SLC9A8: variants seen among roughly 807,000 people sequenced by gnomAD.
SLC9A8 encodes sodium/hydrogen exchanger 8.
SLC9A8 carries 48 observed loss-of-function variants against 66.6 expected under a neutral mutation model. The observed-to-expected ratio is 0.72, with a 90% confidence interval of 0.57 to 0.92. The LOEUF is 0.92. SLC9A8 is among the 40% of genes least tolerant of loss of function. SLC9A8 has a pLI of 0.00. For synonymous variants in SLC9A8, 274 were observed against 282.6 expected, an observed-to-expected ratio of 0.97 and a Z score of 0.31; for missense variants, 599 against 747.3, an observed-to-expected ratio of 0.80 and a Z score of 2.31.
chr20:49,879,496 A>C (rs2089548118), intron 12 of SLC9A8, among the ~76,000 whole-genome samples: 1 of 152,234 alleles, frequency 6.6e-6, no homozygotes, highest in South Asian at 2.1e-4. Context: ...AATGATTAGC[A>C]TGTTGTCTGG....
chr20:49,881,467 T>C (rs895747388), intron 13 of SLC9A8, among the ~76,000 whole-genome samples: 1 of 152,236 alleles, frequency 6.6e-6, no homozygotes, highest in African/African-American at 2.4e-5. Flanking sequence ...AAAGTTCTAG[T>C]AGTTTAATTT....
chr20:49,890,524 T>A lies in SLC9A8; in HGVS notation c.*2588T>A, dbSNP rs1028998494. 5.3e-5 allele frequency: 8 copies of A among 152,240 alleles called. No homozygotes were observed. The highest frequency in any genetic ancestry group is 1.4e-4 in the African/African-American group (6 of 41,452). 9.4% of individuals were successfully genotyped at this position (152,240 alleles called of 1,614,324 possible). A position where few individuals can be genotyped will look rare whatever the true frequency, so the allele number is the denominator to read the frequency against. On this transcript the variant is annotated 3_prime_UTR_variant, in exon 16 of 16. Coordinates refer to ENST00000361573, the MANE Select transcript of SLC9A8 (RefSeq NM_015266.3). The stretch of plus-strand genomic sequence containing the variant: ...GGAGCGCTGGAGGAAACCAGCCCTT[T>A]AGCCAGCAGCCCCTCCACCACAGGC...
At chr20:49,827,527 T>C (rs573831015) in intron 3 of SLC9A8, among the ~76,000 whole-genome samples, 1 of 151,062 alleles carries the variant, frequency 6.6e-6, no homozygotes, top group South Asian at 2.1e-4. Context: ...TCACTTGAAC[T>C]TGGGAGGCAG....
chr20:49,815,235 G>T (rs563514522), intron 2 of SLC9A8, 46 bp downstream of exon 2: 125 of 1,442,904 alleles, frequency 8.7e-5, no homozygotes, highest in Middle Eastern at 4.5e-4. Context: ...TCCCGTGTCT[G>T]TGTGCTCGGT....
At chr20:49,872,208 G>A (rs1448328012) in intron 10 of SLC9A8, among the ~76,000 whole-genome samples, 1 of 152,074 alleles carries the variant, frequency 6.6e-6, no homozygotes, top group Non-Finnish European at 1.5e-5. Flanking sequence ...ATTTTCCTTC[G>A]CCCACCATGT....
chr20:49,853,320 G>A (rs1358451092), intron 7 of SLC9A8, among the ~76,000 whole-genome samples: 1 of 152,038 alleles, frequency 6.6e-6, no homozygotes, highest in Non-Finnish European at 1.5e-5. Context: ...ATTTTTGTGT[G>A]TGTAGAGATA....
In SLC9A8 at chr20:49,888,488, G is replaced by C. The variant is rs902786071; in HGVS notation, c.*552G>C. 1 of 159,630 alleles carries C rather than the reference G, an allele frequency of 6.3e-6. No individual in the cohort carries two copies. Among genetic ancestry groups the C allele is most frequent in the African/African-American group, 2.4e-5 (1 of 41,466 alleles). 9.9% of individuals were successfully genotyped at this position (159,630 alleles called of 1,614,324 possible). A position where few individuals can be genotyped will look rare whatever the true frequency, so the allele number is the denominator to read the frequency against. ...GATACTTCCTGTGCTCCCTCAGAGA[G>C]AAACGGAGTGACCTTTTGTCCTTTA... is the stretch of plus-strand genomic sequence containing the variant. On this transcript the variant is annotated 3_prime_UTR_variant, in exon 16 of 16. Coordinates refer to ENST00000361573, the MANE Select transcript of SLC9A8 (RefSeq NM_015266.3).
At position 49,887,969 on chromosome 20, in the gene SLC9A8, C is replaced by T; in HGVS notation, c.*33C>T. 1 of 1,552,926 alleles carries T rather than the reference C, an allele frequency of 6.4e-7. No individual in the cohort carries two copies. Among genetic ancestry groups the T allele is most frequent in the South Asian group, 1.1e-5 (1 of 89,648 alleles). On this transcript the variant is annotated 3_prime_UTR_variant, in exon 16 of 16. Coordinates refer to ENST00000361573, the MANE Select transcript of SLC9A8 (RefSeq NM_015266.3). ...TGCCAAGGCTTCAGGCAGGCAGGCC[C>T]AGGATGGGCGTTTGCTGCGCACAGA...
chr20:49,862,434 G>A (rs913500982), intron 8 of SLC9A8, among the ~76,000 whole-genome samples: 2 of 151,966 alleles, frequency 1.3e-5, no homozygotes, highest in African/African-American at 2.4e-5. Context: ...GATAGTTTTC[G>A]TATTTTTAGT....
chr20:49,856,282 C>G (rs937489944), intron 8 of SLC9A8, among the ~76,000 whole-genome samples: 2 of 152,092 alleles, frequency 1.3e-5, no homozygotes, highest in African/African-American at 4.8e-5. Flanking sequence ...GCGGCCTGTT[C>G]AGGGGTCAGT....
At chr20:49,817,049 C>G (rs971287383) in intron 2 of SLC9A8, among the ~76,000 whole-genome samples, 1 of 149,044 alleles carries the variant, frequency 6.7e-6, no homozygotes. Flanking sequence ...CTTGTTTGGC[C>G]GGGCGCCGTG....
At chr20:49,822,914 G>A (rs12329463) in intron 2 of SLC9A8, 147 bp from the exon 3 acceptor site, 62,513 of 649,662 alleles carry the variant, frequency 0.096, 3,211 homozygotes, top group Non-Finnish European at 0.11. Context: ...AATGAGACAC[G>A]AAAAACACCG....
chr20:49,840,427 A>G (rs991503881), intron 4 of SLC9A8, among the ~76,000 whole-genome samples: 4 of 152,202 alleles, frequency 2.6e-5, no homozygotes, highest in African/African-American at 9.7e-5. Flanking sequence ...GCTAAAATTG[A>G]TCACATTTAA....
chr20:49,846,714 G>A (rs1200883584), intron 5 of SLC9A8, among the ~76,000 whole-genome samples: 1 of 152,062 alleles, frequency 6.6e-6, no homozygotes, highest in Non-Finnish European at 1.5e-5. Context: ...AGGAGTTCAA[G>A]ACCAGTCTGG....
chr20:49,841,176 C>T (rs902921304), intron 4 of SLC9A8, among the ~76,000 whole-genome samples: 4 of 151,864 alleles, frequency 2.6e-5, no homozygotes, highest in African/African-American at 9.7e-5. Context: ...CGTGGTGGCA[C>T]GCACCTGTAG....
chr20:49,850,174 A>G (rs892581260), intron 6 of SLC9A8, among the ~76,000 whole-genome samples: 5 of 152,220 alleles, frequency 3.3e-5, no homozygotes, highest in Non-Finnish European at 5.9e-5. Context: ...CTGTAGAATT[A>G]TATACTCTGG....
At chr20:49,876,430 C>T (rs2089431069) in intron 11 of SLC9A8, among the ~76,000 whole-genome samples, 1 of 152,100 alleles carries the variant, frequency 6.6e-6, no homozygotes, top group Non-Finnish European at 1.5e-5. Flanking sequence ...AGTCATTTGC[C>T]ACGTCTGTCT....
rs750161547 is a variant in SLC9A8, at chr20:49,862,998, T to C, written c.783T>C (p.Leu261=). The part of the protein sequence containing the change: ...VSGWQTFLQA[L]DYFLKMFFGS... The stretch of plus-strand genomic sequence containing the variant: ...GGTGGCAAACATTTTTACAAGCCCT[T>C]GACTACTTCCTCAAAATGTTCTTTG... Residue 261 remains leucine, a synonymous_variant, in exon 9 of 16, where the codon CTT becomes CTC. Coordinates refer to ENST00000361573, the MANE Select transcript of SLC9A8 (RefSeq NM_015266.3). The C allele has an allele frequency of 1.2e-6, 2 of 1,613,862 alleles. No homozygotes were observed. The highest frequency in any genetic ancestry group is 2.2e-5 in the East Asian group (1 of 44,894).
At chr20:49,823,447 C>T (rs1339433681) in intron 3 of SLC9A8, among the ~76,000 whole-genome samples, 1 of 152,216 alleles carries the variant, frequency 6.6e-6, no homozygotes, top group African/African-American at 2.4e-5. Flanking sequence ...TTGACCTCTA[C>T]TGCTAGGCTA....
Sources: gnomAD v4.1 joint callset for allele counts (sites outside exome capture counted in the v4.1 genomes callset) on GRCh38, gnomAD v4.1.1 for gene constraint, MANE v1.5 for transcripts, NCBI Gene and HGNC (gene_info 2026-07-23, HGNC 2026-07-21) for gene names.